Variants in SUZ12 observed in about 807,000 individuals in gnomAD.
SUZ12 encodes the protein polycomb protein SUZ12.
A neutral mutation model predicts 87.3 loss-of-function variants in SUZ12; 17 were observed. The observed-to-expected ratio is 0.19, with a 90% CI of 0.13 to 0.29. SUZ12 has a LOEUF of 0.29. SUZ12 is among the 10% of genes least tolerant of loss of function. The probability of loss-of-function intolerance (pLI) is 1.00; values close to 1 mark genes in which losing one functional copy is unlikely to be tolerated. For synonymous variants in SUZ12, 253 were observed against 312.4 expected, an observed-to-expected ratio of 0.81 and a Z score of 2.01; for missense variants, 526 against 912.2, an observed-to-expected ratio of 0.58 and a Z score of 5.45.
chr17:31,946,974 T>C (rs1906677560), intron 3 of SUZ12, among the ~76,000 whole-genome samples: 1 of 152,230 alleles, frequency 6.6e-6, no homozygotes, highest in Non-Finnish European at 1.5e-5. Context: ...ACTGTCTCTT[T>C]AATATGACAT....
chr17:31,987,647 A>G (rs1816683667), intron 9 of SUZ12, among the ~76,000 whole-genome samples: 1 of 152,068 alleles, frequency 6.6e-6, no homozygotes, highest in Admixed American at 6.5e-5. Flanking sequence ...AAGACATTTC[A>G]AGGCCAGGCG....
rs866891383 is a variant in SUZ12, at chr17:31,961,161, C to T, written c.456-4986C>T. 9.2e-5 allele frequency among the ~76,000 whole-genome samples: 14 copies of T among 151,790 alleles called. No homozygotes were observed. In the Middle Eastern group the frequency reaches 0.014, roughly 149 times the overall value. ...CTGGGAGGCAGAAGTTACAGTGAGCCGAGATCACGCCATTGAACTCCAGCC... is the reference window on the plus strand; with the variant it reads ...CTGGGAGGCAGAAGTTACAGTGAGCTGAGATCACGCCATTGAACTCCAGCC... On this transcript the variant is annotated intron_variant, in intron 4 of 15. Coordinates refer to ENST00000322652, the MANE Select transcript of SUZ12 (RefSeq NM_015355.4).
intron 4 of SUZ12, among the ~76,000 whole-genome samples, chr17:31,964,413 G>GTTTT (rs544646719): frequency 1.1e-4 from 16 of 142,080 alleles, no homozygotes; most frequent in African/African-American, 3.6e-4. Flanking sequence ...AACTCTGTAG[G>GTTTT]TTTTTTTTTT....
rs1910159824 is a variant in SUZ12, at chr17:31,999,662, C to T, written c.*659C>T. The T allele has an allele frequency of 4.3e-6, 1 of 231,268 alleles. No individual in the cohort carries two copies. Among genetic ancestry groups the T allele is most frequent in the Non-Finnish European group, 8.5e-6 (1 of 117,202 alleles). The allele number at this position is 231,268 out of a possible 1,614,324, so 14.3% of individuals were successfully genotyped here. A position where few individuals can be genotyped will look rare whatever the true frequency, so the allele number is the denominator to read the frequency against. On this transcript the variant is annotated 3_prime_UTR_variant, in exon 16 of 16. Transcript: ENST00000322652. ...AGATATTAAATTTTCACATTGTTGA[C>T]AGTGAAATGCTATGTTGGTTTATAA...
chr17:31,961,647 GTTTA>G (rs931296822), intron 4 of SUZ12, among the ~76,000 whole-genome samples: 2 of 152,168 alleles, frequency 1.3e-5, no homozygotes, highest in Non-Finnish European at 2.9e-5. Flanking sequence ...AGATCATTTT[GTTTA>G]TTTGTTAATT....
chr17:31,977,317 A>G (rs1477088946), intron 8 of SUZ12, among the ~76,000 whole-genome samples: 1 of 134,372 alleles, frequency 7.4e-6, no homozygotes, highest in Non-Finnish European at 1.5e-5. Flanking sequence ...TCACTCTATC[A>G]CCCAGGCAGG....
chr17:31,976,016 T>C (rs1388967065), intron 7 of SUZ12, among the ~76,000 whole-genome samples: 1 of 152,244 alleles, frequency 6.6e-6, no homozygotes, highest in East Asian at 1.9e-4. Context: ...ATCTTTGAGG[T>C]ATTCATTCAA....
At position 31,957,894 on chromosome 17, in the gene SUZ12, C is replaced by CTTTTT. The variant is rs1567818962; in HGVS notation, c.456-8253_456-8252insTTTTT. On this transcript the variant is annotated intron_variant, in intron 4 of 15. Transcript: ENST00000322652. ...CACCTGGCCCTGGCTCACCTTTTGT[C>CTTTTT]CTTTTTTTTTTTTTTTTTTTTTTTT... Among the ~76,000 whole-genome samples the CTTTTT allele has an allele frequency of 4.5e-4, 55 of 123,282 alleles. 1 individual carries two copies. Among genetic ancestry groups the CTTTTT allele is most frequent in the African/African-American group, 1.5e-3 (51 of 35,062 alleles). 80.9% of individuals were successfully genotyped at this position (123,282 alleles called of 152,430 possible).
chr17:31,942,689 G>T (rs1236047801), intron 3 of SUZ12, among the ~76,000 whole-genome samples: 1 of 152,104 alleles, frequency 6.6e-6, no homozygotes, highest in Non-Finnish European at 1.5e-5. Flanking sequence ...TAGGATGAAG[G>T]TTTTTTAAAA....
At chr17:31,937,647 G>A (rs1223896774) in intron 1 of SUZ12, 127 bp downstream of exon 1, 7 of 1,307,008 alleles carry the variant, frequency 5.4e-6, no homozygotes, top group Non-Finnish European at 7.2e-6. Context: ...GAATTGAGGG[G>A]ATGTCCCCCT....
intron 10 of SUZ12, among the ~76,000 whole-genome samples, chr17:31,991,697 C>T (rs1331374103): frequency 6.6e-6 from 1 of 151,918 alleles, no homozygotes; most frequent in Non-Finnish European, 1.5e-5. Context: ...CTCTGCCTCC[C>T]GGGTTCAAGC....
chr17:31,937,604 C>T (rs1423741607), intron 1 of SUZ12, 84 bp downstream of exon 1: 6 of 1,501,310 alleles, frequency 4.0e-6, no homozygotes, highest in African/African-American at 1.4e-5. Context: ...CCCCTTCCTC[C>T]TCGGGAGTCC....
At chr17:31,942,940 G>A (rs1308015196) in intron 3 of SUZ12, among the ~76,000 whole-genome samples, 1 of 152,126 alleles carries the variant, frequency 6.6e-6, no homozygotes, top group Non-Finnish European at 1.5e-5. Context: ...AAGTTATCTC[G>A]ATAGAGTTTG....
chr17:31,940,780 A>G (rs1395341546), intron 3 of SUZ12, among the ~76,000 whole-genome samples: 1 of 151,844 alleles, frequency 6.6e-6, no homozygotes, highest in Non-Finnish European at 1.5e-5. Context: ...TGGGAGGCCA[A>G]GTTGGGCGGA....
intron 5 of SUZ12, among the ~76,000 whole-genome samples, chr17:31,968,727 T>G (rs765143046): frequency 3.3e-5 from 5 of 152,220 alleles, no homozygotes; most frequent in Non-Finnish European, 7.3e-5. Context: ...TATTTTGTTT[T>G]CTGTGGTACT....
At chr17:31,974,355 G>T (rs1355979203) in intron 6 of SUZ12, among the ~76,000 whole-genome samples, 1 of 152,152 alleles carries the variant, frequency 6.6e-6, no homozygotes, top group Non-Finnish European at 1.5e-5. Flanking sequence ...GTGAAATCTC[G>T]TCTCTGCTAA....
chr17:31,945,894 A>G (rs1486150096), intron 3 of SUZ12, among the ~76,000 whole-genome samples: 8 of 152,186 alleles, frequency 5.3e-5, no homozygotes, highest in South Asian at 2.1e-4. Context: ...GCCCTCCTCA[A>G]TAGTAACTTT....
intron 10 of SUZ12, among the ~76,000 whole-genome samples, chr17:31,992,740 T>C (rs1041104703): frequency 2.1e-5 from 3 of 142,264 alleles, no homozygotes; most frequent in Non-Finnish European, 3.0e-5. Flanking sequence ...GGAGTTTTGC[T>C]CTTGTCATCC....
At chr17:31,989,891 G>GAGCC (rs1909625969) in intron 10 of SUZ12, among the ~76,000 whole-genome samples, 1 of 151,364 alleles carries the variant, frequency 6.6e-6, no homozygotes, top group South Asian at 2.1e-4. Context: ...TTACAGGCAC[G>GAGCC]AGCCACTGTG....
Sources: gnomAD v4.1 joint callset for allele counts (sites outside exome capture counted in the v4.1 genomes callset) on GRCh38, gnomAD v4.1.1 for gene constraint, MANE v1.5 for transcripts, NCBI Gene and HGNC (gene_info 2026-07-23, HGNC 2026-07-21) for gene names.